The following ZBTB11 variants were observed in gnomAD, a reference collection of about 807,000 sequenced individuals.
ZBTB11 encodes the protein zinc finger and BTB domain-containing protein 11.
A neutral mutation model predicts 113.1 loss-of-function variants in ZBTB11; 68 were observed. That is an observed-to-expected ratio of 0.60 (90% CI 0.49 to 0.74). The LOEUF (loss-of-function observed/expected upper bound fraction) is 0.74, where lower values mean the gene tolerates loss of function less well. Among genes scored for constraint, ZBTB11 ranks in the 30% least tolerant of loss-of-function variants. The pLI, the probability that ZBTB11 is intolerant of heterozygous loss-of-function variation, is 0.00. For synonymous variants in ZBTB11, 518 were observed against 452.6 expected (o/e 1.14, Z -1.83); for missense variants, 1,104 against 1,279.4 (o/e 0.86, Z 2.09).
At chr3:101,659,591 T>C (rs572150924) in intron 6 of ZBTB11, among the ~76,000 whole-genome samples, 192 bp downstream of exon 6, 17 of 152,274 alleles carry the variant, frequency 1.1e-4, no homozygotes, top group African/African-American at 4.1e-4. Context: ...TAGATTCAAA[T>C]TACAACTTCA....
At chr3:101,665,835 CA>C (rs773629225) in intron 3 of ZBTB11, 27 bp from the exon 4 acceptor site, 1 of 1,536,304 alleles carries the variant, frequency 6.5e-7, no homozygotes, top group Non-Finnish European at 8.7e-7. Flanking sequence ...AAGGTAAAGA[CA>C]AAAAAGTCAA....
In ZBTB11 at chr3:101,665,013, T is replaced by C; in HGVS notation, c.1574A>G (p.Glu525Gly). ...GAYIRLHKGM[E>G]KKLQKRKAVP... The stretch of plus-strand genomic sequence containing the variant: ...GGCTTTCCGTTTCTGCAGCTTTTTC[T>C]CCATTCCCTTGTGTAGTCGAATATA... Residue 525 changes from glutamate to glycine, a missense_variant, in exon 4 of 11, where the codon GAG (glutamate) becomes GGG (glycine). Glu to Gly is a moderately conservative substitution (Grantham distance 98, BLOSUM62 -2). Transcript: ENST00000312938. The C allele has an allele frequency of 6.2e-7, 1 of 1,613,492 alleles. No individual in the cohort carries two copies. The highest frequency in any genetic ancestry group is 8.5e-7 in the Non-Finnish European group (1 of 1,179,680).
chr3:101,662,963 G>T (rs200753095), intron 5 of ZBTB11, among the ~76,000 whole-genome samples: 35 of 147,960 alleles, frequency 2.4e-4, no homozygotes, highest in African/African-American at 8.6e-4. Context: ...TTTTTGAGAC[G>T]GAGTCTCGCT....
At chr3:101,669,631 A>C (rs1937052697) in intron 3 of ZBTB11, among the ~76,000 whole-genome samples, 1 of 152,210 alleles carries the variant, frequency 6.6e-6, no homozygotes, top group Admixed American at 6.5e-5. Flanking sequence ...TTTTATATTC[A>C]GATGGCTCAG....
intron 1 of ZBTB11, among the ~76,000 whole-genome samples, chr3:101,673,937 A>C (rs1021941642): frequency 6.6e-6 from 1 of 152,150 alleles, no homozygotes; most frequent in African/African-American, 2.4e-5. Context: ...AATTTTAGCT[A>C]TATGCAATTG....
rs553143290 is a variant in ZBTB11, at chr3:101,651,539, C to T, written c.2789G>A (p.Arg930His). The T allele has an allele frequency of 2.5e-6, 4 of 1,614,132 alleles. No individual in the cohort carries two copies. The highest frequency in any genetic ancestry group is 3.4e-6 in the Non-Finnish European group (4 of 1,180,024). Reference sequence around the variant, plus strand: ...TCTGTGGAATTTAGTCATATGTTTACGGAGTGTTCGAGCATCTATGTAGGC... The same window carrying T: ...TCTGTGGAATTTAGTCATATGTTTATGGAGTGTTCGAGCATCTATGTAGGC... ...SEAYIDARTL[R>H]KHMTKFHRDY... The change falls in exon 11 of 11, where the codon CGT (arginine) becomes CAT (histidine). Residue 930 changes from arginine (R) to histidine (H), a missense_variant. Arg to His is a conservative substitution (Grantham distance 29). This residue lies in a region of ZBTB11 where 148 missense variants were observed against 259.3 expected (regional missense o/e 0.57). Transcript: ENST00000312938.
At position 101,665,324 on chromosome 3, in the gene ZBTB11, T is replaced by G; in HGVS notation, c.1263A>C (p.Thr421=). ...SVDLITKNNQ[T]ELETSNNREN... The stretch of plus-strand genomic sequence containing the variant: ...CTCTGTTGTTTGAAGTTTCTAGTTC[T>G]GTCTGGTTGTTTTTTGTTATTAAAT... Residue 421 remains threonine, a synonymous_variant, in exon 4 of 11, where the codon ACA becomes ACC. Coordinates refer to ENST00000312938, the MANE Select transcript of ZBTB11 (RefSeq NM_014415.4). 6.2e-7 allele frequency: 1 copy of G among 1,614,240 alleles called. No homozygotes were observed. Among genetic ancestry groups the G allele is most frequent in the South Asian group, 1.1e-5 (1 of 91,082 alleles).
intron 6 of ZBTB11, among the ~76,000 whole-genome samples, chr3:101,658,977 G>A (rs1357498888): frequency 6.6e-6 from 1 of 152,120 alleles, no homozygotes; most frequent in Non-Finnish European, 1.5e-5. Context: ...AGTGGCTCAC[G>A]CCTATAATTC....
Position 101,665,214 on chromosome 3 carries a change from T to C in ZBTB11, c.1373A>G (p.Asn458Ser). ...ACAAATATCCTCAGCTGATATATCA[T>C]TTCCCATACCACTATCCTCTGGCGA... ...SSSPEDSGMG[N>S]DISAEDICAE... The change falls in exon 4 of 11, where the codon AAT (asparagine) becomes AGT (serine). Residue 458 changes from asparagine (N) to serine (S), a missense_variant. Asn to Ser is a conservative substitution (Grantham distance 46). Around this residue, in one of 5 missense-constraint regions of ZBTB11, gnomAD observed 535 missense variants for 518.6 expected, o/e 1.03. Coordinates refer to ENST00000312938, the MANE Select transcript of ZBTB11 (RefSeq NM_014415.4). The C allele has an allele frequency of 6.2e-7, 1 of 1,614,250 alleles. No homozygotes were observed. The highest frequency in any genetic ancestry group is 8.5e-7 in the Non-Finnish European group (1 of 1,180,054).
chr3:101,657,049 G>A (rs1414273981), intron 6 of ZBTB11, among the ~76,000 whole-genome samples: 1 of 148,300 alleles, frequency 6.7e-6, no homozygotes, highest in Non-Finnish European at 1.5e-5. Flanking sequence ...GCTGAGGTAG[G>A]AGAATCACTT....
At position 101,665,431 on chromosome 3, in the gene ZBTB11, G is replaced by C. The variant is rs1244948551; in HGVS notation, c.1156C>G (p.Pro386Ala). ...GATTCAGCCTCTGAAGAAACCTGGG[G>C]CTCAGGCTGTCGTCCTACCTCTCCA... ...QNGEVGRQPEPQVSSEAESAL... is the reference protein window; with the variant it reads ...QNGEVGRQPEAQVSSEAESAL... Residue 386 changes from proline (P) to alanine (A), a missense_variant, in exon 4 of 11, where the codon CCC becomes GCC. Physicochemically the swap from Pro to Ala is conservative, Grantham distance 27 (BLOSUM62 -1). This residue lies in a region of ZBTB11 where 535 missense variants were observed against 518.6 expected (regional missense o/e 1.03). Transcript: ENST00000312938. The C allele has an allele frequency of 1.9e-6, 3 of 1,614,044 alleles. No individual in the cohort carries two copies. The highest frequency in any genetic ancestry group is 2.7e-5 in the African/African-American group (2 of 74,902).
intron 7 of ZBTB11, among the ~76,000 whole-genome samples, chr3:101,655,377 T>C (rs2108316422): frequency 6.6e-6 from 1 of 152,354 alleles, no homozygotes; most frequent in East Asian, 1.9e-4. Context: ...GTAATAGTAC[T>C]AGAGTTGAAT....
In ZBTB11 at chr3:101,677,068, A is replaced by G. The variant is rs1937190343; in HGVS notation, c.-154T>C. On this transcript the variant is annotated 5_prime_UTR_variant, in exon 1 of 11. Transcript: ENST00000312938. Reference sequence around the variant, plus strand: ...TCGACGGCTCCCTTAGTCCGAAGGAAAAGCGGGCGAGTTGGTAACCAGGGG... The same window carrying G: ...TCGACGGCTCCCTTAGTCCGAAGGAGAAGCGGGCGAGTTGGTAACCAGGGG... 2 of 843,034 alleles carry G rather than the reference A, an allele frequency of 2.4e-6. No homozygotes were observed. The highest frequency in any genetic ancestry group is 3.5e-6 in the Non-Finnish European group (2 of 577,948). The allele number at this position is 843,034 out of a possible 1,614,324, so 52.2% of individuals were successfully genotyped here. A position where few individuals can be genotyped will look rare whatever the true frequency, so the allele number is the denominator to read the frequency against.
At chr3:101,661,577 T>C (rs977502160) in intron 5 of ZBTB11, among the ~76,000 whole-genome samples, 1 of 152,264 alleles carries the variant, frequency 6.6e-6, no homozygotes. Context: ...TGGTGTGGCT[T>C]TGTCTTCTAG....
rs368180213 is a variant in ZBTB11 at position 101,651,224 on chromosome 3, A to G, written c.3104T>C (p.Val1035Ala). The G allele has an allele frequency of 1.9e-6, 3 of 1,612,048 alleles. No homozygotes were observed. Among genetic ancestry groups the G allele is most frequent in the Non-Finnish European group, 2.5e-6 (3 of 1,179,416 alleles). The change falls in exon 11 of 11, where the codon GTT becomes GCT. Residue 1035 changes from valine to alanine, a missense_variant. By Grantham distance (64) the Val-to-Ala change is moderately conservative (BLOSUM62 0). This residue lies in a region of ZBTB11 where 90 missense variants were observed against 98.0 expected (regional missense o/e 0.92). Coordinates refer to ENST00000312938, the MANE Select transcript of ZBTB11 (RefSeq NM_014415.4). ...AQQQGQKLSE[V>A]AEAIQTVKVE... ...TTTAACAGTTTGAATAGCTTCTGCA[A>G]CTTCAGATAGCTTCTGTCCTTGCTG...
intron 10 of ZBTB11, among the ~76,000 whole-genome samples, chr3:101,652,245 T>C (rs1297002102): frequency 6.6e-6 from 1 of 152,244 alleles, no homozygotes; most frequent in Non-Finnish European, 1.5e-5. Flanking sequence ...TATTCCTTCA[T>C]TCCTTCAAAG....
intron 3 of ZBTB11, 126 bp from the exon 4 acceptor site, chr3:101,665,934 G>T: frequency 3.0e-6 from 3 of 986,978 alleles, no homozygotes; most frequent in Non-Finnish European, 2.9e-6. Context: ...AATCATCCCT[G>T]GATTTGCATT....
In ZBTB11 at chr3:101,676,815, G is replaced by A. The variant is rs892789280; in HGVS notation, c.100C>T (p.Arg34Ter). Residue 34 changes from arginine (R) to a stop codon, truncating the protein, a stop_gained, in exon 1 of 11, where the codon CGA becomes TGA. Transcript: ENST00000312938. LOFTEE classifies it high-confidence loss of function. ...ACCACGTAGCAGGCGGCAGCTTTTC[G>A]GATTTTACGCTTGACATTGCCCTCG... ...GTEGNVKRKIRKAAACYVVRG... is the reference protein window; with the variant it reads ...GTEGNVKRKI 6.2e-7 allele frequency: 1 copy of A among 1,612,598 alleles called. No individual in the cohort carries two copies. The highest frequency in any genetic ancestry group is 2.2e-5 in the East Asian group (1 of 44,802).
intron 5 of ZBTB11, among the ~76,000 whole-genome samples, chr3:101,661,828 TG>T (rs1187420286): frequency 5.9e-5 from 9 of 152,186 alleles, no homozygotes; most frequent in Non-Finnish European, 1.0e-4. Context: ...TTGTTTTCCA[TG>T]TTCTGTTTGA....
Sources: gnomAD v4.1 joint callset for allele counts (sites outside exome capture counted in the v4.1 genomes callset) on GRCh38, gnomAD v4.1.1 for gene constraint, gnomAD v4.1.1 regional missense constraint, MANE v1.5 for transcripts, NCBI Gene and HGNC (gene_info 2026-07-23, HGNC 2026-07-21) for gene names.